Variants in GSDMC observed in about 807,000 individuals in gnomAD.
The protein encoded by GSDMC is gasdermin-C.
In GSDMC, 59 loss-of-function variants were observed where a neutral mutation model predicts 58.0. The ratio of observed to expected loss-of-function variants is 1.02; its 90% confidence interval spans 0.82 to 1.26. The LOEUF is 1.26. Among genes scored for constraint, GSDMC ranks in the 50% most tolerant of loss-of-function variants. The pLI, the probability that GSDMC is intolerant of heterozygous loss-of-function variation, is 0.00. For synonymous variants in GSDMC, 241 were observed against 220.2 expected, an observed-to-expected ratio of 1.09 and a Z score of -0.83; for missense variants, 659 against 598.5, an observed-to-expected ratio of 1.10 and a Z score of -1.06.
the GSDMC span, among the ~76,000 whole-genome samples, chr8:129,737,489 C>G: frequency 3.9e-5 from 6 of 152,178 alleles, no homozygotes; most frequent in African/African-American, 1.2e-4. Context: ...CAATACCACA[C>G]ATCTACAACC....
the GSDMC span, among the ~76,000 whole-genome samples, chr8:129,713,155 T>C: frequency 1.3e-5 from 2 of 152,224 alleles, no homozygotes; most frequent in Non-Finnish European, 2.9e-5. Context: ...CTGCTTTACA[T>C]GATAGCACTT....
At chr8:129,737,279 G>A in the GSDMC span, among the ~76,000 whole-genome samples, 24 of 151,994 alleles carry the variant, frequency 1.6e-4, no homozygotes, top group Admixed American at 6.6e-5. Context: ...TCACAGAATT[G>A]GAAAAAACTA....
the GSDMC span, among the ~76,000 whole-genome samples, chr8:129,740,563 T>G: frequency 6.6e-6 from 1 of 152,238 alleles, no homozygotes; most frequent in Non-Finnish European, 1.5e-5. Context: ...TACAGGTTTA[T>G]AGCCTTTGAG....
At chr8:129,719,639 A>C in the GSDMC span, among the ~76,000 whole-genome samples, 1 of 152,202 alleles carries the variant, frequency 6.6e-6, no homozygotes, top group Non-Finnish European at 1.5e-5. Context: ...AAAATAACTC[A>C]ATACATTTAA....
chr8:129,763,957 C>G (rs2033765441), intron 4 of GSDMC, among the ~76,000 whole-genome samples: 1 of 152,066 alleles, frequency 6.6e-6, no homozygotes, highest in South Asian at 2.1e-4. Context: ...TGCTTTTTGA[C>G]CCTTCTATTT....
intron 1 of GSDMC, among the ~76,000 whole-genome samples, chr8:129,783,907 G>A (rs10096959): frequency 0.67 from 101,561 of 151,870 alleles, 35,829 homozygotes; most frequent in African/African-American, 0.9. Context: ...CAGACCAAAG[G>A]AAAAAAATCG....
intron 6 of GSDMC, 157 bp from the exon 7 acceptor site, chr8:129,752,977 C>A: frequency 7.6e-7 from 1 of 1,317,844 alleles, no homozygotes; most frequent in East Asian, 2.5e-5. Context: ...TTGCCCATTC[C>A]TTCTTTCAGA....
chr8:129,710,289 A>C, the GSDMC span, among the ~76,000 whole-genome samples: 1 of 152,346 alleles, frequency 6.6e-6, no homozygotes, highest in East Asian at 1.9e-4. Context: ...TGAATGAATG[A>C]GCAAATGGGC....
At chr8:129,761,313 C>A (rs181055465) in intron 5 of GSDMC, among the ~76,000 whole-genome samples, 159 of 152,276 alleles carry the variant, frequency 1.0e-3, no homozygotes, top group African/African-American at 3.5e-3. Flanking sequence ...ATCTCATAAA[C>A]CCCCTTCCCA....
intron 9 of GSDMC, 114 bp from the exon 10 acceptor site, chr8:129,751,682 C>A: frequency 8.7e-7 from 1 of 1,147,810 alleles, no homozygotes. Context: ...CAACTTCTTC[C>A]TGCCCCCATT....
the GSDMC span, chr8:129,723,164 C>G: frequency 6.6e-6 from 1 of 152,212 alleles, no homozygotes; most frequent in South Asian, 2.1e-4. Context: ...CTACCCGTCC[C>G]AGGGTCTTCT....
In GSDMC at chr8:129,761,599, G is replaced by A. The variant is rs1313188440; in HGVS notation, c.677-1010C>T. ...TTGTTGTTGATGATGATGATATTTT[G>A]AAACTAGAGCTCCTTTTCTTTTCCT... On this transcript the variant is annotated intron_variant, in intron 5 of 13. Coordinates refer to ENST00000276708, the MANE Select transcript of GSDMC (RefSeq NM_031415.3). 2.0e-5 allele frequency among the ~76,000 whole-genome samples: 3 copies of A among 152,110 alleles called. No individual in the cohort carries two copies. The East Asian group carries it at 5.8e-4, about 29-fold the overall frequency.
the GSDMC span, among the ~76,000 whole-genome samples, chr8:129,716,121 T>A: frequency 2.6e-5 from 4 of 152,102 alleles, no homozygotes; most frequent in Non-Finnish European, 5.9e-5. Flanking sequence ...GCAATTTTTT[T>A]AAAAAGTGGC....
the GSDMC span, among the ~76,000 whole-genome samples, chr8:129,710,815 A>G: frequency 6.6e-6 from 1 of 152,166 alleles, no homozygotes; most frequent in African/African-American, 2.4e-5. Flanking sequence ...ATTCTTTGTG[A>G]CCTGGCAGGA....
downstream of GSDMC, among the ~76,000 whole-genome samples, chr8:129,745,678 G>A (rs2032945053): frequency 6.6e-6 from 1 of 151,414 alleles, no homozygotes; most frequent in African/African-American, 2.4e-5. Context: ...GAACATACTA[G>A]GCCTTCAGTA....
intron 3 of GSDMC, among the ~76,000 whole-genome samples, chr8:129,773,583 G>A (rs2034127864): frequency 6.6e-6 from 1 of 151,984 alleles, no homozygotes. Context: ...TCAGGAGTTC[G>A]AGACCAGCCT....
rs146355166 is a variant in GSDMC at position 129,767,071 on chromosome 8, A to G, written c.405-1278T>C. 4.2e-3 allele frequency among the ~76,000 whole-genome samples: 638 copies of G among 152,186 alleles called. 3 individuals carry two copies. The highest frequency in any genetic ancestry group is 6.8e-3 in the Middle Eastern group (2 of 294). ...CCCAAGCCAACAAATTTGTCTGGCC[A>G]GGAAGTATGGTAGGCAGTTTCTGTC... On this transcript the variant is annotated intron_variant, in intron 3 of 13. Coordinates refer to ENST00000276708, the MANE Select transcript of GSDMC (RefSeq NM_031415.3).
At chr8:129,718,874 T>C in the GSDMC span, among the ~76,000 whole-genome samples, 1 of 152,218 alleles carries the variant, frequency 6.6e-6, no homozygotes, top group South Asian at 2.1e-4. Context: ...TGAGTTCATG[T>C]CCTTTGCAGG....
At chr8:129,776,751 TG>T (rs2034242022) in intron 2 of GSDMC, among the ~76,000 whole-genome samples, 1 of 151,810 alleles carries the variant, frequency 6.6e-6, no homozygotes. Context: ...TTGTTGTTGT[TG>T]TTGTTGTTTT....
Sources: gnomAD v4.1 joint callset for allele counts (sites outside exome capture counted in the v4.1 genomes callset) on GRCh38, gnomAD v4.1.1 for gene constraint, MANE v1.5 for transcripts, NCBI Gene and HGNC (gene_info 2026-07-23, HGNC 2026-07-21) for gene names.